Variants in KCNJ3 observed in about 807,000 individuals in gnomAD.
The protein encoded by KCNJ3 is G protein-activated inward rectifier potassium channel 1.
A neutral mutation model predicts 39.2 loss-of-function variants in KCNJ3; 4 were observed. That is an observed-to-expected ratio of 0.10 (90% CI 0.05 to 0.23). The LOEUF is 0.23. Ranked by LOEUF, KCNJ3 falls within the 10% of genes least tolerant of loss-of-function variation. The probability of loss-of-function intolerance (pLI) is 1.00; values close to 1 mark genes in which losing one functional copy is unlikely to be tolerated. For missense variants in KCNJ3, 276 were observed against 634.9 expected (o/e 0.43, Z 6.08); for synonymous variants, 230 against 237.4 (o/e 0.97, Z 0.29).
chr2:154,716,276 A>ATTTTTT (rs535989708), intron 2 of KCNJ3, among the ~76,000 whole-genome samples: 4 of 115,448 alleles, frequency 3.5e-5, no homozygotes, highest in Non-Finnish European at 5.1e-5. Flanking sequence ...CGGCCGGCTA[A>ATTTTTT]TTTTTTTTTT....
At chr2:154,839,361 T>A (rs1272181526) in intron 2 of KCNJ3, among the ~76,000 whole-genome samples, 1 of 152,212 alleles carries the variant, frequency 6.6e-6, no homozygotes, top group African/African-American at 2.4e-5. Context: ...TGGTTCCAAG[T>A]CTTTGCTATT....
intron 2 of KCNJ3, among the ~76,000 whole-genome samples, chr2:154,821,633 T>TG (rs1453792120): frequency 3.7e-5 from 5 of 134,456 alleles, no homozygotes; most frequent in African/African-American, 1.3e-4. Context: ...AGAGAATATG[T>TG]GATTTTTTTT....
chr2:154,727,615 GAAA>G (rs1185488681), intron 2 of KCNJ3, among the ~76,000 whole-genome samples: 1 of 126,110 alleles, frequency 7.9e-6, no homozygotes, highest in African/African-American at 2.7e-5. Context: ...AAAAAAGAGA[GAAA>G]AAGAGTATGA....
chr2:154,767,420 G>T (rs1389842646), intron 2 of KCNJ3, among the ~76,000 whole-genome samples: 1 of 151,998 alleles, frequency 6.6e-6, no homozygotes, highest in East Asian at 1.9e-4. Context: ...CCAACTATGA[G>T]TGAGAATATG....
At chr2:154,703,261 A>G (rs1684941635) in intron 1 of KCNJ3, among the ~76,000 whole-genome samples, 1 of 152,082 alleles carries the variant, frequency 6.6e-6, no homozygotes, top group South Asian at 2.1e-4. Context: ...GGTTGCATTC[A>G]TATTTTGAAA....
intron 2 of KCNJ3, among the ~76,000 whole-genome samples, chr2:154,823,463 G>C (rs1161128886): frequency 6.7e-6 from 1 of 150,010 alleles, no homozygotes. Context: ...ATCACGGTTT[G>C]ATTTATTCAG....
chr2:154,836,963 T>C (rs1687476543), intron 2 of KCNJ3, among the ~76,000 whole-genome samples: 1 of 152,190 alleles, frequency 6.6e-6, no homozygotes, highest in African/African-American at 2.4e-5. Flanking sequence ...GGTAAAACAA[T>C]TTTAAAATTG....
intron 2 of KCNJ3, among the ~76,000 whole-genome samples, chr2:154,736,133 T>C (rs1049003045): frequency 6.6e-6 from 1 of 152,040 alleles, no homozygotes; most frequent in African/African-American, 2.4e-5. Context: ...CTGTTTCCTG[T>C]GCTCCTCTTT....
At chr2:154,831,002 T>C (rs1447734672) in intron 2 of KCNJ3, among the ~76,000 whole-genome samples, 1 of 152,214 alleles carries the variant, frequency 6.6e-6, no homozygotes, top group Non-Finnish European at 1.5e-5. Context: ...TGTCAAGTCC[T>C]GTTAAATTTC....
intron 2 of KCNJ3, among the ~76,000 whole-genome samples, chr2:154,716,272 G>A (rs1440541807): frequency 5.4e-5 from 6 of 112,054 alleles, no homozygotes; most frequent in Admixed American, 1.2e-4. Context: ...ACCACGGCCG[G>A]CTAATTTTTT....
chr2:154,729,841 G>A (rs905265067), intron 2 of KCNJ3, among the ~76,000 whole-genome samples: 1 of 152,128 alleles, frequency 6.6e-6, no homozygotes, highest in African/African-American at 2.4e-5. Flanking sequence ...GGAAAGCTGG[G>A]TTTGATTGCA....
intron 2 of KCNJ3, among the ~76,000 whole-genome samples, chr2:154,850,398 A>G (rs1343865708): frequency 6.6e-6 from 1 of 152,142 alleles, no homozygotes; most frequent in African/African-American, 2.4e-5. Context: ...AACCATAATG[A>G]TATCTACTTT....
chr2:154,850,008 C>CTTTTTTTTTTTTTTTTTTTTT (rs373062062), intron 2 of KCNJ3, among the ~76,000 whole-genome samples: 1 of 48,838 alleles, frequency 2.0e-5, no homozygotes. Context: ...CAGAATAAAT[C>CTTTTTTTTTTTTTTTTTTTTT]TTTTTTTTTT....
intron 2 of KCNJ3, among the ~76,000 whole-genome samples, chr2:154,743,080 A>C (rs549622857): frequency 1.3e-5 from 2 of 151,790 alleles, no homozygotes; most frequent in Non-Finnish European, 3.0e-5. Flanking sequence ...ATTCTTTTAC[A>C]TGTGGATATC....
chr2:154,844,778 T>A (rs1316262079), intron 2 of KCNJ3, among the ~76,000 whole-genome samples: 1 of 152,204 alleles, frequency 6.6e-6, no homozygotes, highest in East Asian at 1.9e-4. Context: ...AATTACCTTG[T>A]CTGCTGGTTG....
intron 2 of KCNJ3, among the ~76,000 whole-genome samples, chr2:154,731,443 T>C (rs556991687): frequency 9.1e-4 from 138 of 152,208 alleles, no homozygotes; most frequent in African/African-American, 3.2e-3. Context: ...TTTTTCTGTT[T>C]TGTGAATAAG....
intron 2 of KCNJ3, among the ~76,000 whole-genome samples, chr2:154,726,246 G>A (rs1685355470): frequency 6.6e-6 from 1 of 151,890 alleles, no homozygotes; most frequent in African/African-American, 2.4e-5. Context: ...GAATTTATAA[G>A]AAACTCAAAC....
chr2:154,822,926 C>A (rs962438107), intron 2 of KCNJ3, among the ~76,000 whole-genome samples: 2 of 151,040 alleles, frequency 1.3e-5, no homozygotes, highest in Non-Finnish European at 3.0e-5. Flanking sequence ...TAATATGAAA[C>A]CATTAATATA....
At chr2:154,840,952 C>T (rs375723584) in intron 2 of KCNJ3, among the ~76,000 whole-genome samples, 1 of 152,098 alleles carries the variant, frequency 6.6e-6, no homozygotes, top group African/African-American at 2.4e-5. Flanking sequence ...TTGCCCTGGC[C>T]AGAACTTCCA....
Sources: gnomAD v4.1 joint callset for allele counts (sites outside exome capture counted in the v4.1 genomes callset) on GRCh38, gnomAD v4.1.1 for gene constraint, MANE v1.5 for transcripts, NCBI Gene and HGNC (gene_info 2026-07-23, HGNC 2026-07-21) for gene names.